Variants in CDH13 observed in about 807,000 individuals in gnomAD.
CDH13 encodes the protein cadherin-13.
A neutral mutation model predicts 63.8 loss-of-function variants in CDH13; 24 were observed. The ratio of observed to expected loss-of-function variants is 0.38; its 90% CI spans 0.27 to 0.53. CDH13 has a LOEUF of 0.53. Among genes scored for constraint, CDH13 ranks in the 20% least tolerant of loss-of-function variants. CDH13 has a pLI of 0.85. For synonymous variants in CDH13, 503 were observed against 355.3 expected, an observed-to-expected ratio of 1.42 and a Z score of -4.67; for missense variants, 1,049 against 903.1, an observed-to-expected ratio of 1.16 and a Z score of -2.07.
At chr16:83,033,413 T>G (rs1022006271) in intron 3 of CDH13, among the ~76,000 whole-genome samples, 1 of 152,182 alleles carries the variant, frequency 6.6e-6, no homozygotes, top group Non-Finnish European at 1.5e-5. Context: ...TTCTGTTGTT[T>G]TGTTTTGTTT....
At chr16:83,215,073 C>CTTTTTTTTTT (rs571565652) in intron 4 of CDH13, among the ~76,000 whole-genome samples, 8,032 of 56,170 alleles carry the variant, frequency 0.14, 1,580 homozygotes, top group Non-Finnish European at 0.16. Context: ...TCAAACACCT[C>CTTTTTTTTTT]TTTTTTTTTT....
At chr16:82,820,582 C>T (rs917230861) in intron 1 of CDH13, among the ~76,000 whole-genome samples, 1 of 152,134 alleles carries the variant, frequency 6.6e-6, no homozygotes, top group Admixed American at 6.5e-5. Context: ...GGAAAGAAAC[C>T]ATTCATTTAT....
At chr16:83,059,212 T>C (rs1389608963) in intron 3 of CDH13, among the ~76,000 whole-genome samples, 3 of 152,150 alleles carry the variant, frequency 2.0e-5, no homozygotes, top group Non-Finnish European at 4.4e-5. Flanking sequence ...CCCTATGAAA[T>C]GCTTTTCAGA....
chr16:83,305,442 G>A (rs934948062), intron 5 of CDH13, among the ~76,000 whole-genome samples: 2 of 152,244 alleles, frequency 1.3e-5, no homozygotes, highest in South Asian at 4.1e-4. Context: ...CGTGTAGCCA[G>A]TATGTCCTGA....
intron 6 of CDH13, among the ~76,000 whole-genome samples, chr16:83,444,307 C>T (rs990880863): frequency 2.0e-5 from 3 of 152,112 alleles, no homozygotes; most frequent in East Asian, 1.9e-4. Flanking sequence ...AGCACTTAAG[C>T]CCTGAGTGTT....
chr16:82,667,338 G>A (rs534166483), intron 1 of CDH13, among the ~76,000 whole-genome samples: 31 of 152,312 alleles, frequency 2.0e-4, no homozygotes, highest in Admixed American at 3.9e-4. Flanking sequence ...TTGCGAAGGC[G>A]CGTACTGAGC....
chr16:82,920,619 C>G (rs1251546579), intron 2 of CDH13, among the ~76,000 whole-genome samples: 2 of 152,224 alleles, frequency 1.3e-5, no homozygotes, highest in African/African-American at 4.8e-5. Context: ...GTCTCCACTG[C>G]AGGCCCCACT....
intron 4 of CDH13, among the ~76,000 whole-genome samples, chr16:83,161,688 C>T (rs762052819): frequency 1.3e-5 from 2 of 152,110 alleles, no homozygotes; most frequent in Non-Finnish European, 1.5e-5. Flanking sequence ...TAAAGAATCA[C>T]CCACCATGGT....
intron 5 of CDH13, among the ~76,000 whole-genome samples, chr16:83,271,044 A>T (rs536542449): frequency 1.5e-4 from 23 of 151,522 alleles, no homozygotes; most frequent in Non-Finnish European, 3.4e-4. Flanking sequence ...ACAGCCATGA[A>T]CACCACCAGC....
At chr16:83,297,605 A>G (rs1294903604) in intron 5 of CDH13, among the ~76,000 whole-genome samples, 1 of 152,172 alleles carries the variant, frequency 6.6e-6, no homozygotes, top group African/African-American at 2.4e-5. Flanking sequence ...TGGTCTTTGT[A>G]GTTAGATGTT....
chr16:83,725,514 C>T (rs138333868), intron 10 of CDH13: 283 of 152,550 alleles, frequency 1.9e-3, no homozygotes, highest in Middle Eastern at 3.4e-3. Context: ...CGGGGGCAAG[C>T]GGTATGATGT....
At chr16:83,169,138 C>T (rs897606416) in intron 4 of CDH13, among the ~76,000 whole-genome samples, 1 of 151,994 alleles carries the variant, frequency 6.6e-6, no homozygotes, top group African/African-American at 2.4e-5. Context: ...TGGCATATGA[C>T]AGTCCCTGCT....
At chr16:83,104,552 A>C (rs574500396) in intron 3 of CDH13, among the ~76,000 whole-genome samples, 2 of 152,162 alleles carry the variant, frequency 1.3e-5, no homozygotes, top group South Asian at 4.2e-4. Context: ...TGTCTTTAGC[A>C]AAAAAGGAAG....
chr16:83,117,282 G>T (rs1213210760), intron 3 of CDH13, among the ~76,000 whole-genome samples: 1 of 152,072 alleles, frequency 6.6e-6, no homozygotes, highest in Admixed American at 6.5e-5. Flanking sequence ...ACCTCACAGC[G>T]CTCACCTTGC....
intron 1 of CDH13, among the ~76,000 whole-genome samples, chr16:82,790,904 G>A (rs1318573265): frequency 6.6e-6 from 1 of 152,174 alleles, no homozygotes; most frequent in Non-Finnish European, 1.5e-5. Flanking sequence ...TGGATTGTGG[G>A]TGAGAGACAG....
intron 4 of CDH13, among the ~76,000 whole-genome samples, chr16:83,153,694 A>G (rs974531219): frequency 6.6e-6 from 1 of 152,206 alleles, no homozygotes; most frequent in African/African-American, 2.4e-5. Context: ...TAAGACCAAC[A>G]TACAACAGAT....
intron 10 of CDH13, among the ~76,000 whole-genome samples, chr16:83,689,018 A>G (rs981868500): frequency 6.6e-6 from 1 of 152,200 alleles, no homozygotes; most frequent in African/African-American, 2.4e-5. Flanking sequence ...CTAATATGAA[A>G]CATCTGGCCG....
intron 3 of CDH13, among the ~76,000 whole-genome samples, chr16:83,073,331 G>GTC (rs1313449843): frequency 6.8e-5 from 9 of 131,750 alleles, no homozygotes; most frequent in East Asian, 6.2e-4. Flanking sequence ...CTGTGTGTGT[G>GTC]TGTGTGTGTG....
At chr16:82,823,033 T>A (rs984619658) in intron 1 of CDH13, among the ~76,000 whole-genome samples, 7 of 152,158 alleles carry the variant, frequency 4.6e-5, no homozygotes, top group Non-Finnish European at 7.3e-5. Context: ...TGCCTTGACA[T>A]CTCTCTATGG....
Sources: allele counts gnomAD v4.1 joint callset (sites outside exome capture counted in the v4.1 genomes callset), GRCh38; gene constraint gnomAD v4.1.1; transcripts MANE v1.5; gene names NCBI Gene and HGNC (gene_info 2026-07-23, HGNC 2026-07-21).